Variants in ETV7 observed in about 807,000 individuals in gnomAD.
ETV7 encodes the protein transcription factor ETV7.
A neutral mutation model predicts 39.1 loss-of-function variants in ETV7; 43 were observed. That is an observed-to-expected ratio of 1.10 (90% CI 0.86 to 1.42). The LOEUF (loss-of-function observed/expected upper bound fraction) is 1.42. Ranked by LOEUF, ETV7 falls within the 40% of genes most tolerant of loss-of-function variation. The pLI is 0.00. For synonymous variants in ETV7, 196 were observed against 176.6 expected (o/e 1.11, Z -0.87); for missense variants, 432 against 442.3 (o/e 0.98, Z 0.21).
Position 36,369,072 on chromosome 6 carries a change from CTG to C in ETV7, c.665-3_665-2del. 6.2e-7 allele frequency: 1 copy of C among 1,614,116 alleles called. No individual in the cohort carries two copies. On this transcript the variant is annotated splice_acceptor_variant and splice_polypyrimidine_tract_variant and intron_variant, in intron 5 of 7. Coordinates refer to ENST00000340181, the MANE Select transcript of ETV7 (RefSeq NM_016135.4). LOFTEE classifies it high-confidence loss of function. ...ACGTAATCCCACAGCAGGCGGCAGT[CTG>C]CAATTTAGCACAGGGAGTGCAGGCA... is the stretch of plus-strand genomic sequence containing the variant.
intron 5 of ETV7, among the ~76,000 whole-genome samples, chr6:36,369,423 C>T (rs1772894761): frequency 6.6e-6 from 1 of 152,228 alleles, no homozygotes; most frequent in Non-Finnish European, 1.5e-5. Context: ...GCTGGGCCCA[C>T]AGGCTGAGGG....
chr6:36,356,842 G>A (rs868466041), intron 7 of ETV7, among the ~76,000 whole-genome samples: 3 of 152,324 alleles, frequency 2.0e-5, no homozygotes, highest in South Asian at 4.1e-4. Flanking sequence ...TAAGGATTAA[G>A]GCATTGTCCT....
At chr6:36,371,641 A>G in intron 4 of ETV7, 81 bp from the exon 5 acceptor site, 1 of 1,269,378 alleles carries the variant, frequency 7.9e-7, no homozygotes, top group South Asian at 1.3e-5. Flanking sequence ...TGAGCCTGGG[A>G]GCCCTGTGGG....
chr6:36,377,186 C>T (rs1353374955), intron 2 of ETV7, among the ~76,000 whole-genome samples: 1 of 152,146 alleles, frequency 6.6e-6, no homozygotes, highest in East Asian at 1.9e-4. Context: ...ATACACTGAG[C>T]GTGGTGGCTC....
intron 4 of ETV7, among the ~76,000 whole-genome samples, chr6:36,372,376 A>G (rs6457905): frequency 0.19 from 29,612 of 152,062 alleles, 3,051 homozygotes; most frequent in Admixed American, 0.28. Flanking sequence ...GAAGAACTGC[A>G]CTTGGACTCC....
chr6:36,371,185 A>G lies in ETV7; in HGVS notation c.664+145T>C, dbSNP rs1772996996. On this transcript the variant is annotated intron_variant, in intron 5 of 7. Transcript: ENST00000340181. ...CCTCTGTGACCAGATTGTGGCTAGCACACAGGACAGTCAACGCTACCCTGC... is the reference window on the plus strand; with the variant it reads ...CCTCTGTGACCAGATTGTGGCTAGCGCACAGGACAGTCAACGCTACCCTGC... The G allele has an allele frequency of 1.2e-5, 10 of 814,158 alleles. No homozygotes were observed. The South Asian group carries it at 1.4e-4, about 11-fold the overall frequency. The allele number at this position is 814,158 out of a possible 1,614,324, so 50.4% of individuals were successfully genotyped here.
At chr6:36,383,363 C>A (rs1773744575) in intron 2 of ETV7, among the ~76,000 whole-genome samples, 1 of 152,214 alleles carries the variant, frequency 6.6e-6, no homozygotes, top group Non-Finnish European at 1.5e-5. Context: ...TCAGAGTGGA[C>A]TTTCCACTGC....
At chr6:36,364,860 A>T (rs1007542289), downstream of ETV7, among the ~76,000 whole-genome samples, 5 of 152,244 alleles carry the variant, frequency 3.3e-5, no homozygotes, top group Non-Finnish European at 7.3e-5. Context: ...ACAGTCTCAG[A>T]GGGAAAGTGA....
chr6:36,361,686 A>G (rs753095554), downstream of ETV7, among the ~76,000 whole-genome samples: 2 of 152,264 alleles, frequency 1.3e-5, no homozygotes, highest in Admixed American at 6.5e-5. Flanking sequence ...GCTCATGCTC[A>G]TGGGTTAATG....
At position 36,375,922 on chromosome 6, in the gene ETV7, C is replaced by T. The variant is rs9394345; in HGVS notation, c.256G>A (p.Ala86Thr). Residue 86 changes from alanine to threonine, a missense_variant, in exon 3 of 8, where the codon GCC becomes ACC. Transcript: ENST00000340181. Reference sequence around the variant, plus strand: ...TCGTCCTTGGTGAGGATGCAGAGGGCGCGTCCGTTCATCTCGAACCCGTGC... The same window carrying T: ...TCGTCCTTGGTGAGGATGCAGAGGGTGCGTCCGTTCATCTCGAACCCGTGC... ...AEHGFEMNGRALCILTKDDFR... is the reference protein window; with the variant it reads ...AEHGFEMNGRTLCILTKDDFR... 472 of 1,613,868 alleles carry T rather than the reference C, an allele frequency of 2.9e-4. 1 individual carries two copies. Among genetic ancestry groups the T allele is most frequent in the Middle Eastern group, 6.6e-4 (4 of 6,084 alleles).
At chr6:36,379,658 A>G (rs2127399394) in intron 2 of ETV7, among the ~76,000 whole-genome samples, 1 of 152,074 alleles carries the variant, frequency 6.6e-6, no homozygotes, top group South Asian at 2.1e-4. Flanking sequence ...CAGGCAGATC[A>G]TAAGGTCAGG....
In ETV7 at chr6:36,369,052, A is replaced by T. The variant is rs376442687; in HGVS notation, c.684T>A (p.Asp228Glu). 4.1e-5 allele frequency: 66 copies of T among 1,614,036 alleles called. No homozygotes were observed. Among genetic ancestry groups the T allele is most frequent in the Non-Finnish European group, 5.6e-5 (66 of 1,180,040 alleles). The change falls in exon 6 of 8, where the codon GAT becomes GAA. Residue 228 changes from aspartate to glutamate, a missense_variant. By Grantham distance (45) the Asp-to-Glu change is conservative. Transcript: ENST00000340181. Reference sequence around the variant, plus strand: ...TATCAAGGAGCAGCTGATACACGTAATCCCACAGCAGGCGGCAGTCTGCAA... The same window carrying T: ...TATCAAGGAGCAGCTGATACACGTATTCCCACAGCAGGCGGCAGTCTGCAA... ...GRIADCRLLW[D>E]YVYQLLLDTR...
At chr6:36,376,134 C>G in intron 2 of ETV7, 99 bp from the exon 3 acceptor site, 1 of 1,072,700 alleles carries the variant, frequency 9.3e-7, no homozygotes. Flanking sequence ...CCTGTCCTGG[C>G]CCCCAACCCC....
chr6:36,362,525 C>CT (rs1274565460), downstream of ETV7, among the ~76,000 whole-genome samples: 6 of 152,158 alleles, frequency 3.9e-5, no homozygotes, highest in African/African-American at 1.4e-4. Context: ...CTTTTCAGGA[C>CT]TTTAATTGTA....
chr6:36,370,318 T>C (rs1772950907), intron 5 of ETV7, among the ~76,000 whole-genome samples: 1 of 152,088 alleles, frequency 6.6e-6, no homozygotes, highest in Non-Finnish European at 1.5e-5. Context: ...GTGGATCACC[T>C]GAGGTCAGGA....
intron 4 of ETV7, 63 bp downstream of exon 4, chr6:36,373,390 C>T: frequency 1.4e-6 from 2 of 1,448,908 alleles, no homozygotes. Context: ...TTGAGGATGT[C>T]CTGCCCTCCC....
chr6:36,364,581 G>A (rs1487229000), downstream of ETV7, among the ~76,000 whole-genome samples: 8 of 152,342 alleles, frequency 5.3e-5, no homozygotes, highest in East Asian at 1.9e-4. Flanking sequence ...CGCAAGCGCC[G>A]CGCACAGCCC....
Position 36,373,506 on chromosome 6 carries a change from C to A in ETV7, c.380G>T (p.Gly127Val). ...RRALVCGPFFGGIFRLKTPTQ... is the reference protein window; with the variant it reads ...RRALVCGPFFVGIFRLKTPTQ... ...GGGCGTCTTCAGCCTGAAGATCCCT[C>A]CAAAAAAGGGCCCACACACCAGGGC... The change falls in exon 4 of 8, where the codon GGA (glycine) becomes GTA (valine). Residue 127 changes from glycine to valine, a missense_variant. Gly to Val is a moderately radical substitution (Grantham distance 109). Coordinates refer to ENST00000340181, the MANE Select transcript of ETV7 (RefSeq NM_016135.4). 1 of 1,553,394 alleles carries A rather than the reference C, an allele frequency of 6.4e-7. No homozygotes were observed. Among genetic ancestry groups the A allele is most frequent in the Non-Finnish European group, 8.7e-7 (1 of 1,148,082 alleles).
At chr6:36,357,018 G>T (rs866991344) in intron 7 of ETV7, among the ~76,000 whole-genome samples, 2 of 152,352 alleles carry the variant, frequency 1.3e-5, no homozygotes, top group South Asian at 4.1e-4. Context: ...TTGATGGGAA[G>T]TTGGGAGAAG....
Sources: gnomAD v4.1 joint callset for allele counts (sites outside exome capture counted in the v4.1 genomes callset) on GRCh38, gnomAD v4.1.1 for gene constraint, MANE v1.5 for transcripts, NCBI Gene and HGNC (gene_info 2026-07-23, HGNC 2026-07-21) for gene names.